ZNF625: variants seen among roughly 807,000 people sequenced by gnomAD.
The protein encoded by ZNF625 is zinc finger protein 625.
ZNF625 carries 8 observed loss-of-function variants against 11.1 expected under a neutral mutation model. The ratio of observed to expected loss-of-function variants is 0.72; its 90% CI spans 0.42 to 1.30. The LOEUF is 1.30. Ranked by LOEUF, ZNF625 falls within the 50% of genes most tolerant of loss-of-function variation. The pLI, the probability that ZNF625 is intolerant of heterozygous loss-of-function variation, is 0.01. For missense variants in ZNF625, 349 were observed against 447.6 expected (o/e 0.78, Z 1.99); for synonymous variants, 145 against 153.4 (o/e 0.95, Z 0.41).
At chr19:12,156,247 C>T (rs1977024366) in intron 1 of ZNF625, among the ~76,000 whole-genome samples, 1 of 152,206 alleles carries the variant, frequency 6.6e-6, no homozygotes, top group Non-Finnish European at 1.5e-5. Flanking sequence ...CATGACCCTC[C>T]CGTGGTCTCC....
chr19:12,153,100 T>TGGCTC (rs1976978216), intron 1 of ZNF625, among the ~76,000 whole-genome samples: 1 of 151,950 alleles, frequency 6.6e-6, no homozygotes, highest in Non-Finnish European at 1.5e-5. Context: ...ACGCCTGTAA[T>TGGCTC]CCTAGCACTT....
At position 12,145,730 on chromosome 19, in the gene ZNF625, C is replaced by A. The variant is rs780900045; in HGVS notation, c.686G>T (p.Ser229Ile). The change falls in exon 4 of 4, where the codon AGT becomes ATT. Residue 229 changes from serine (S) to isoleucine (I), a missense_variant. Transcript: ENST00000439556. ...ATGTATTCGAAGGCTACCAGAATGA[C>A]TAAAGGCTTTACCACACTGTTTACA... ...YECKQCGKAF[S>I]HSGSLRIHER... 1 of 1,614,090 alleles carries A rather than the reference C, an allele frequency of 6.2e-7. No homozygotes were observed. The highest frequency in any genetic ancestry group is 1.1e-5 in the South Asian group (1 of 91,074).
At chr19:12,150,679 T>C (rs967740054) in intron 1 of ZNF625, among the ~76,000 whole-genome samples, 1 of 152,236 alleles carries the variant, frequency 6.6e-6, no homozygotes, top group Non-Finnish European at 1.5e-5. Context: ...AATCTTTTTT[T>C]ACAAGGGACA....
chr19:12,156,003 C>T (rs1364873824), intron 1 of ZNF625, among the ~76,000 whole-genome samples: 1 of 152,086 alleles, frequency 6.6e-6, no homozygotes, highest in African/African-American at 2.4e-5. Flanking sequence ...GTGGGCGGCA[C>T]CACGCCCGGC....
At chr19:12,155,791 T>C (rs1977017819) in intron 1 of ZNF625, among the ~76,000 whole-genome samples, 1 of 152,172 alleles carries the variant, frequency 6.6e-6, no homozygotes, top group South Asian at 2.1e-4. Context: ...TTCAAACTCC[T>C]ATTCTGAGAA....
At position 12,145,412 on chromosome 19, in the gene ZNF625, T is replaced by G; in HGVS notation, c.1004A>C (p.Gln335Pro). ...GGCACATCCAAAGGCTTTACCACAT[T>G]GTTTACATTCATAGGGTTTCTCTCC... ...HTGEKPYECK[Q>P]CGKAFGCASS... The change falls in exon 4 of 4, where the codon CAA becomes CCA. Residue 335 changes from glutamine to proline, a missense_variant. Coordinates refer to ENST00000439556, the MANE Select transcript of ZNF625 (RefSeq NM_145233.4). 6.2e-7 allele frequency: 1 copy of G among 1,614,154 alleles called. No homozygotes were observed. Among genetic ancestry groups the G allele is most frequent in the East Asian group, 2.2e-5 (1 of 44,876 alleles).
rs1181816640 is a variant in ZNF625, at chr19:12,147,427, T to G, written c.159A>C (p.Glu53Asp). The change falls in exon 3 of 4, where the codon GAA (glutamate) becomes GAC (aspartate). Residue 53 changes from glutamate to aspartate, a missense_variant. By Grantham distance (45) the Glu-to-Asp change is conservative. Coordinates refer to ENST00000439556, the MANE Select transcript of ZNF625 (RefSeq NM_145233.4). ...VGKKWKDQKI[E>D]DEYKNPRRNL... ...TTCTCCTGGGATTTTTGTACTCATC[T>G]TCAATTTTCTGATCTTTCCATTTTT... 6.5e-7 allele frequency: 1 copy of G among 1,535,768 alleles called. No individual in the cohort carries two copies. The highest frequency in any genetic ancestry group is 1.2e-5 in the South Asian group (1 of 81,872).
intron 1 of ZNF625, among the ~76,000 whole-genome samples, chr19:12,148,298 C>A (rs546499036): frequency 6.6e-6 from 1 of 152,006 alleles, no homozygotes; most frequent in East Asian, 1.9e-4. Flanking sequence ...ACCAATCTGA[C>A]TGATAAGAGT....
At chr19:12,151,840 T>G (rs1051576828) in intron 1 of ZNF625, among the ~76,000 whole-genome samples, 1 of 152,130 alleles carries the variant, frequency 6.6e-6, no homozygotes, top group Non-Finnish European at 1.5e-5. Context: ...TCATTGTGTC[T>G]TTCAAAACAG....
At chr19:12,156,521 C>T in intron 1 of ZNF625, 35 bp downstream of exon 1, 1 of 1,421,806 alleles carries the variant, frequency 7.0e-7, no homozygotes, top group Non-Finnish European at 9.2e-7. Flanking sequence ...CCCGGCCCCT[C>T]CCCCGTCTCG....
At chr19:12,156,510 T>A in intron 1 of ZNF625, 46 bp downstream of exon 1, 2 of 1,407,132 alleles carry the variant, frequency 1.4e-6, no homozygotes, top group Non-Finnish European at 1.9e-6. Flanking sequence ...AGCCGGTTCC[T>A]CCCGGCCCCT....
chr19:12,149,590 C>A (rs1976927150), intron 1 of ZNF625, among the ~76,000 whole-genome samples: 1 of 152,024 alleles, frequency 6.6e-6, no homozygotes, highest in South Asian at 2.1e-4. Context: ...AAGTTTTTTA[C>A]TTTATAATTA....
Position 12,145,874 on chromosome 19 carries a change from T to C in ZNF625, c.542A>G (p.His181Arg), listed in dbSNP as rs1234826500. The part of the protein sequence containing the change: ...SFISRSSIRR[H>R]RIMHSGDGPY... ...TCCATCTCCACTGTGCATTATCCTGTGTCTTCGAATGCTTGAACGGGAAAT... is the reference window on the plus strand; with the variant it reads ...TCCATCTCCACTGTGCATTATCCTGCGTCTTCGAATGCTTGAACGGGAAAT... Residue 181 changes from histidine to arginine, a missense_variant, in exon 4 of 4, where the codon CAC becomes CGC. By Grantham distance (29) the His-to-Arg change is conservative (BLOSUM62 0). Transcript: ENST00000439556. 3 of 1,614,200 alleles carry C rather than the reference T, an allele frequency of 1.9e-6. No individual in the cohort carries two copies. The highest frequency in any genetic ancestry group is 1.7e-5 in the Admixed American group (1 of 60,016).
chr19:12,150,381 T>A (rs1049902855), intron 1 of ZNF625, among the ~76,000 whole-genome samples: 4 of 152,070 alleles, frequency 2.6e-5, no homozygotes, highest in African/African-American at 9.7e-5. Context: ...ATAGCAAAGA[T>A]CCTTCTAAGG....
chr19:12,150,124 A>G (rs1199099556), intron 1 of ZNF625, among the ~76,000 whole-genome samples: 1 of 152,206 alleles, frequency 6.6e-6, no homozygotes, highest in East Asian at 1.9e-4. Context: ...AAAATAGAAA[A>G]GTTTCCAATG....
At chr19:12,155,063 TA>T (rs1368746892) in intron 1 of ZNF625, among the ~76,000 whole-genome samples, 2 of 151,970 alleles carry the variant, frequency 1.3e-5, no homozygotes, top group Admixed American at 1.3e-4. Flanking sequence ...CCATCTCTAC[TA>T]AAAATACAGA....
In ZNF625 at chr19:12,145,331, T is replaced by C. The variant is rs1480465676; in HGVS notation, c.1085A>G (p.Asn362Ser). 1 of 1,613,534 alleles carries C rather than the reference T, an allele frequency of 6.2e-7. No homozygotes were observed. Among genetic ancestry groups the C allele is most frequent in the Non-Finnish European group, 8.5e-7 (1 of 1,179,772 alleles). The change falls in exon 4 of 4, where the codon AAC (asparagine) becomes AGC (serine). Residue 362 changes from asparagine to serine, a missense_variant. Physicochemically the swap from Asn to Ser is conservative, Grantham distance 46. Coordinates refer to ENST00000439556, the MANE Select transcript of ZNF625 (RefSeq NM_145233.4). ...CTTCTCGCCTTGGCCTTTCGAAGTGTTGGAGCTACAGGGTTTTTCTCCAGT... is the reference window on the plus strand; with the variant it reads ...CTTCTCGCCTTGGCCTTTCGAAGTGCTGGAGCTACAGGGTTTTTCTCCAGT... ...THTGEKPCSS[N>S]TSKGQGEKIA
chr19:12,153,950 G>T (rs1010129852), intron 1 of ZNF625, among the ~76,000 whole-genome samples: 2 of 151,186 alleles, frequency 1.3e-5, no homozygotes, highest in African/African-American at 4.9e-5. Context: ...TGGGACTACA[G>T]GCACCTGCCG....
intron 1 of ZNF625, among the ~76,000 whole-genome samples, chr19:12,150,181 C>T (rs1976935518): frequency 6.6e-6 from 1 of 152,162 alleles, no homozygotes; most frequent in Non-Finnish European, 1.5e-5. Context: ...AATACTACAG[C>T]TCTTTCAAAT....
Sources: gnomAD v4.1 joint callset for allele counts (sites outside exome capture counted in the v4.1 genomes callset) on GRCh38, gnomAD v4.1.1 for gene constraint, MANE v1.5 for transcripts, NCBI Gene and HGNC (gene_info 2026-07-23, HGNC 2026-07-21) for gene names.